The following SEMA6A variants were observed in gnomAD, a reference collection of about 807,000 sequenced individuals.
SEMA6A encodes semaphorin-6A.
In SEMA6A, 25 loss-of-function variants were observed where a neutral mutation model predicts 96.8. The observed-to-expected ratio is 0.26, with a 90% CI of 0.19 to 0.36. SEMA6A has a LOEUF of 0.36. Ranked by LOEUF, SEMA6A falls within the 10% of genes least tolerant of loss-of-function variation. SEMA6A has a pLI of 1.00. For missense variants in SEMA6A, 1,363 were observed against 1,323.1 expected (o/e 1.03, Z -0.47); for synonymous variants, 612 against 518.0 (o/e 1.18, Z -2.46).
intron 1 of SEMA6A, among the ~76,000 whole-genome samples, chr5:116,542,920 G>A (rs1272862593): frequency 6.6e-6 from 1 of 152,058 alleles, no homozygotes; most frequent in African/African-American, 2.4e-5. Context: ...CCCTTTCTCT[G>A]ATTTTTTTTG....
At chr5:116,513,601 C>CT (rs138397170) in intron 1 of SEMA6A, among the ~76,000 whole-genome samples, 10,872 of 133,226 alleles carry the variant, frequency 0.082, 449 homozygotes, top group Admixed American at 0.12. Flanking sequence ...TCTTGATTTT[C>CT]TTTTTTTTTT....
At chr5:116,477,035 G>GT (rs758652889) in intron 15 of SEMA6A, among the ~76,000 whole-genome samples, 1 of 152,204 alleles carries the variant, frequency 6.6e-6, no homozygotes, top group Non-Finnish European at 1.5e-5. Context: ...AGATGGTTCT[G>GT]TTCCCCCTTT....
chr5:116,478,305 C>G, intron 13 of SEMA6A, 151 bp from the exon 14 acceptor site: 2 of 861,254 alleles, frequency 2.3e-6, no homozygotes, highest in Non-Finnish European at 3.6e-6. Flanking sequence ...CACACGTAAA[C>G]ACACACATGT....
At chr5:116,558,901 G>C (rs1760705171) in intron 1 of SEMA6A, among the ~76,000 whole-genome samples, 1 of 152,154 alleles carries the variant, frequency 6.6e-6, no homozygotes. Context: ...ATTGAGCCGG[G>C]GGGAGAGGGA....
chr5:116,510,445 C>T (rs1292664087), intron 1 of SEMA6A, among the ~76,000 whole-genome samples: 2 of 151,990 alleles, frequency 1.3e-5, no homozygotes, highest in Non-Finnish European at 2.9e-5. Context: ...GCTTTGAAAC[C>T]CTCTGCCCCC....
chr5:116,446,359 G>C lies in SEMA6A; in HGVS notation c.*254C>G, dbSNP rs373406870. 3.9e-5 allele frequency: 15 copies of C among 386,162 alleles called. No homozygotes were observed. The highest frequency in any genetic ancestry group is 2.2e-4 in the African/African-American group (11 of 48,948). 23.9% of individuals were successfully genotyped at this position (386,162 alleles called of 1,614,324 possible). A position where few individuals can be genotyped will look rare whatever the true frequency, so the allele number is the denominator to read the frequency against. ...GATAACTGAAGTCTTTTGTGGGTCCGACCTGTTGTAGGGTGTGGGGGAAAG... is the reference window on the plus strand; with the variant it reads ...GATAACTGAAGTCTTTTGTGGGTCCCACCTGTTGTAGGGTGTGGGGGAAAG... On this transcript the variant is annotated 3_prime_UTR_variant, in exon 19 of 19. Transcript: ENST00000343348.
intron 17 of SEMA6A, chr5:116,469,109 A>C (rs934423326): frequency 3.3e-5 from 5 of 152,210 alleles, no homozygotes; most frequent in African/African-American, 1.2e-4. Context: ...CGTCCATGCT[A>C]TAGTGACTTC....
Position 116,446,715 on chromosome 5 carries a change from C to T in SEMA6A, c.2991G>A (p.Arg997=), listed in dbSNP as rs1686476382. Residue 997 remains arginine (R), a synonymous_variant, in exon 19 of 19, where the codon AGG becomes AGA. Transcript: ENST00000343348. ...PSLNAYNSLT[R]SGLKRTPSLK... ...GCGAGGGCGTACGCTTCAGCCCCGACCTTGTCAGTGAGTTGTAGGCGTTGA... is the reference window on the plus strand; with the variant it reads ...GCGAGGGCGTACGCTTCAGCCCCGATCTTGTCAGTGAGTTGTAGGCGTTGA... 6.3e-7 allele frequency: 1 copy of T among 1,598,266 alleles called. No individual in the cohort carries two copies. The highest frequency in any genetic ancestry group is 2.3e-5 in the East Asian group (1 of 44,420).
At chr5:116,481,214 A>T (rs925579966) in intron 11 of SEMA6A, among the ~76,000 whole-genome samples, 10 of 152,218 alleles carry the variant, frequency 6.6e-5, no homozygotes, top group Non-Finnish European at 1.2e-4. Flanking sequence ...GTGTGCTGGT[A>T]TTGGTTGAGT....
At chr5:116,482,627 T>C in intron 10 of SEMA6A, 52 bp from the exon 11 acceptor site, 4 of 1,595,464 alleles carry the variant, frequency 2.5e-6, no homozygotes, top group Non-Finnish European at 2.6e-6. Context: ...GTTATGCATG[T>C]GGTTTGGAAC....
rs1554089707 is a variant in SEMA6A at position 116,519,687 on chromosome 5, A to ACACACG, written c.-38-14711_-38-14706dup. Among the ~76,000 whole-genome samples, 787 of 150,106 alleles carry ACACACG rather than the reference A, an allele frequency of 5.2e-3. 11 individuals are homozygous for ACACACG. The highest frequency in any genetic ancestry group is 0.019 in the African/African-American group (745 of 39,556). On this transcript the variant is annotated intron_variant, in intron 1 of 18. Transcript: ENST00000343348. Reference sequence around the variant, plus strand: ...TGTACACACACACACACACACACACACACACGCACACACATACATTATACA... The same window carrying ACACACG: ...TGTACACACACACACACACACACACACACACGCACACGCACACACATACATTATACA...
chr5:116,480,240 ATCTT>A lies in SEMA6A; in HGVS notation c.1128_1131del (p.Glu376AspfsTer13). ...TCAGGGAACTCATTGGAGGTTGCAT[ATCTT>A]TCTAAGGAGGATGAGCCAGCACAGC... On this transcript the variant is annotated frameshift_variant, in exon 12 of 19. Coordinates refer to ENST00000343348, the MANE Select transcript of SEMA6A (RefSeq NM_020796.5). LOFTEE classifies it high-confidence loss of function. 1.2e-6 allele frequency: 2 copies of A among 1,613,876 alleles called. No homozygotes were observed. The highest frequency in any genetic ancestry group is 1.7e-6 in the Non-Finnish European group (2 of 1,179,778).
intron 18 of SEMA6A, among the ~76,000 whole-genome samples, chr5:116,462,947 C>T (rs1484385793): frequency 6.6e-6 from 1 of 152,008 alleles, no homozygotes; most frequent in Non-Finnish European, 1.5e-5. Context: ...ATTTAAATTA[C>T]CTTTAAAATG....
In SEMA6A at chr5:116,544,805, A is replaced by C. The variant is rs148777861; in HGVS notation, c.-39+29380T>G. 3.1e-3 allele frequency among the ~76,000 whole-genome samples: 469 copies of C among 152,320 alleles called. 2 individuals carry two copies. The highest frequency in any genetic ancestry group is 0.011 in the African/African-American group (455 of 41,584). ...GCCAGGGGGAAAACAGTTTATTTAC[A>C]TACCACTGTTAAATATAGTGAACCC... On this transcript the variant is annotated intron_variant, in intron 1 of 18. Transcript: ENST00000343348.
chr5:116,448,215 G>A (rs1754390797), intron 18 of SEMA6A, among the ~76,000 whole-genome samples: 8 of 150,822 alleles, frequency 5.3e-5, no homozygotes, highest in South Asian at 4.2e-4. Flanking sequence ...GCGCGGTGGC[G>A]GGGGCTTGTG....
At chr5:116,448,305 A>T (rs1053300554) in intron 18 of SEMA6A, among the ~76,000 whole-genome samples, 12 of 152,040 alleles carry the variant, frequency 7.9e-5, no homozygotes, top group Non-Finnish European at 1.8e-4. Context: ...AGATCAGGCC[A>T]CTGTACTCCA....
intron 3 of SEMA6A, among the ~76,000 whole-genome samples, chr5:116,501,974 G>A (rs772355909): frequency 6.6e-6 from 1 of 152,088 alleles, no homozygotes; most frequent in Non-Finnish European, 1.5e-5. Flanking sequence ...GATAAACAGT[G>A]GATTATTTGA....
At chr5:116,493,366 A>T (rs1156343945) in intron 6 of SEMA6A, among the ~76,000 whole-genome samples, 1 of 152,224 alleles carries the variant, frequency 6.6e-6, no homozygotes, top group Non-Finnish European at 1.5e-5. Context: ...CCTTATCTGT[A>T]TGCTGTCACT....
chr5:116,542,235 T>C (rs1408763534), intron 1 of SEMA6A, among the ~76,000 whole-genome samples: 3 of 152,234 alleles, frequency 2.0e-5, no homozygotes, highest in South Asian at 2.1e-4. Flanking sequence ...AGTCTGAGAA[T>C]TGTGCACCAA....
Sources: gnomAD v4.1 joint callset for allele counts (sites outside exome capture counted in the v4.1 genomes callset) on GRCh38, gnomAD v4.1.1 for gene constraint, MANE v1.5 for transcripts, NCBI Gene and HGNC (gene_info 2026-07-23, HGNC 2026-07-21) for gene names.